PLA2R1: variants seen among roughly 807,000 people sequenced by gnomAD.
The protein encoded by PLA2R1 is phospholipase A2 receptor 1, also known as secretory phospholipase A2 receptor.
A neutral mutation model predicts 195.9 loss-of-function variants in PLA2R1; 158 were observed. The observed-to-expected ratio is 0.81, with a 90% confidence interval of 0.71 to 0.92. The LOEUF (loss-of-function observed/expected upper bound fraction) is 0.92, where lower values mean the gene tolerates loss of function less well. PLA2R1 is among the 40% of genes least tolerant of loss of function. The pLI, the probability that PLA2R1 is intolerant of heterozygous loss-of-function variation, is 0.00. For synonymous variants in PLA2R1, 586 were observed against 598.2 expected (o/e 0.98, Z 0.30); for missense variants, 1,626 against 1,764.6 (o/e 0.92, Z 1.41).
In PLA2R1 at chr2:159,955,785, C is replaced by T. The variant is rs771674705; in HGVS notation, c.3066G>A (p.Trp1022Ter). ...CATAATCATCATTTTGTAAACCTATCCACACACTGGTGGTCTGGCCAAAAA... is the reference window on the plus strand; with the variant it reads ...CATAATCATCATTTTGTAAACCTATTCACACACTGGTGGTCTGGCCAAAAA... ...MNLFGQTTSV[W>*]IGLQNDDYET... is the part of the protein sequence containing the mutation. The change falls in exon 22 of 30, where the codon TGG becomes TGA. Residue 1022 changes from tryptophan (W) to a stop codon, truncating the protein, a stop_gained. Transcript: ENST00000283243. LOFTEE classifies it high-confidence loss of function. 23 of 1,597,440 alleles carry T rather than the reference C, an allele frequency of 1.4e-5. No homozygotes were observed. The highest frequency in any genetic ancestry group is 1.9e-5 in the Non-Finnish European group (22 of 1,168,416).
intron 12 of PLA2R1, 69 bp downstream of exon 12, chr2:159,987,087 T>C (rs910671052): frequency 4.8e-6 from 6 of 1,240,922 alleles, no homozygotes; most frequent in Middle Eastern, 2.0e-4. Context: ...ATAAAGGAAT[T>C]TGGGATACAT....
chr2:159,949,574 G>C (rs781695266), intron 25 of PLA2R1, 34 bp downstream of exon 25: 2 of 1,510,908 alleles, frequency 1.3e-6, no homozygotes, highest in Non-Finnish European at 1.8e-6. Flanking sequence ...AGTTAAATAA[G>C]GTATATTTTT....
rs547015215 is a variant in PLA2R1, at chr2:160,053,355, G to T, written c.110-8198C>A. Among the ~76,000 whole-genome samples, 4 of 150,726 alleles carry T rather than the reference G, an allele frequency of 2.7e-5. No individual in the cohort carries two copies. In the South Asian group the frequency reaches 8.7e-4, roughly 33 times the overall value. Reference sequence around the variant, plus strand: ...ATTTTTATACGAATTTGGTGGGGGGGGGGGGAACAATTCAGATCATAACCA... The same window carrying T: ...ATTTTTATACGAATTTGGTGGGGGGTGGGGGAACAATTCAGATCATAACCA... On this transcript the variant is annotated intron_variant, in intron 1 of 29. Coordinates refer to ENST00000283243, the MANE Select transcript of PLA2R1 (RefSeq NM_007366.5).
At chr2:159,991,017 C>T (rs1384299095) in intron 11 of PLA2R1, among the ~76,000 whole-genome samples, 1 of 152,172 alleles carries the variant, frequency 6.6e-6, no homozygotes, top group Non-Finnish European at 1.5e-5. Flanking sequence ...TGCCAAAGGC[C>T]ACAAACGTAG....
chr2:160,005,758 A>G lies in PLA2R1; in HGVS notation c.1728T>C (p.Phe576=), dbSNP rs1168126474. 2.5e-6 allele frequency: 4 copies of G among 1,613,098 alleles called. No individual in the cohort carries two copies. Among genetic ancestry groups the G allele is most frequent in the Middle Eastern group, 3.3e-4 (2 of 6,060 alleles). Reference sequence around the variant, plus strand: ...CATTTTGGTCCTGAAGAGCTATCCAAAAATAACTGTCCTTCATTTTTACCA... The same window carrying G: ...CATTTTGGTCCTGAAGAGCTATCCAGAAATAACTGTCCTTCATTTTTACCA... The part of the protein sequence containing the change: ...SSVVKMKDSY[F]WIALQDQNDT... The change falls in exon 11 of 30, where the codon TTT becomes TTC. Residue 576 remains phenylalanine (F), a synonymous_variant. Coordinates refer to ENST00000283243, the MANE Select transcript of PLA2R1 (RefSeq NM_007366.5).
intron 9 of PLA2R1, among the ~76,000 whole-genome samples, chr2:160,013,739 GTGTGTGTGTGTGTCTC>G (rs1319865617): frequency 2.7e-5 from 4 of 148,360 alleles, no homozygotes; most frequent in Admixed American, 2.0e-4. Flanking sequence ...GTGTGTGTGT[GTGTGTGTGTGTGTCTC>G]TCTCTCTCTG....
rs186407762 is a variant in PLA2R1, at chr2:159,972,133, C to T, written c.2596-1921G>A. Among the ~76,000 whole-genome samples the T allele has an allele frequency of 4.1e-3, 618 of 152,284 alleles. 7 individuals are homozygous for T. The highest frequency in any genetic ancestry group is 0.024 in the Middle Eastern group (7 of 294). On this transcript the variant is annotated intron_variant, in intron 17 of 29. Transcript: ENST00000283243. ...AAGGACCTCTAAAGAGAAATTATAA[C>T]TGCTGCATCCTAAGTGGCATATTTA...
At chr2:160,003,874 C>A (rs553808337) in intron 11 of PLA2R1, among the ~76,000 whole-genome samples, 2 of 152,258 alleles carry the variant, frequency 1.3e-5, no homozygotes, top group South Asian at 4.1e-4. Context: ...GTCCTACATA[C>A]TATGAAATTC....
chr2:159,986,736 G>A (rs1690369161), intron 12 of PLA2R1, among the ~76,000 whole-genome samples: 2 of 151,986 alleles, frequency 1.3e-5, no homozygotes, highest in African/African-American at 4.8e-5. Flanking sequence ...ACAGGTGCAT[G>A]CCACCATGCC....
intron 1 of PLA2R1, among the ~76,000 whole-genome samples, chr2:160,056,141 T>C (rs925410): frequency 0.3 from 45,934 of 152,056 alleles, 8,736 homozygotes; most frequent in Non-Finnish European, 0.42. Flanking sequence ...GGCCCATTTA[T>C]GGTCTTGAAA....
chr2:159,951,185 G>T (rs1262033036), intron 24 of PLA2R1, among the ~76,000 whole-genome samples, 155 bp downstream of exon 24: 2 of 152,092 alleles, frequency 1.3e-5, no homozygotes, highest in African/African-American at 4.8e-5. Flanking sequence ...TCATAAGGTT[G>T]GTCAGGTAAT....
chr2:159,947,369 T>G (rs765497581), intron 26 of PLA2R1, 50 bp downstream of exon 26: 1 of 1,503,342 alleles, frequency 6.7e-7, no homozygotes, highest in Non-Finnish European at 9.0e-7. Flanking sequence ...TTTACTGAAA[T>G]GGCAAGAAGG....
At chr2:160,042,815 G>A (rs1161428093) in intron 2 of PLA2R1, among the ~76,000 whole-genome samples, 1 of 84,770 alleles carries the variant, frequency 1.2e-5, no homozygotes, top group African/African-American at 3.3e-5. Flanking sequence ...GTGTGTGTGT[G>A]TGTGTGTGTG....
At chr2:160,009,219 G>C (rs1692193024) in intron 10 of PLA2R1, among the ~76,000 whole-genome samples, 1 of 152,230 alleles carries the variant, frequency 6.6e-6, no homozygotes, top group African/African-American at 2.4e-5. Context: ...ACATGCCAAA[G>C]AATTGAAAGC....
chr2:159,924,734 G>GT, the PLA2R1 span, among the ~76,000 whole-genome samples: 8 of 150,668 alleles, frequency 5.3e-5, no homozygotes, highest in Non-Finnish European at 8.9e-5. Context: ...GGGGCTGGGG[G>GT]GGGGGCGGTG....
downstream of PLA2R1, among the ~76,000 whole-genome samples, chr2:159,931,644 C>A (rs1383015841): frequency 6.6e-6 from 1 of 152,172 alleles, no homozygotes; most frequent in African/African-American, 2.4e-5. Flanking sequence ...ATCTCAATCT[C>A]CCCCGGCTCA....
At chr2:160,010,078 C>T (rs1293187145) in intron 10 of PLA2R1, among the ~76,000 whole-genome samples, 3 of 152,108 alleles carry the variant, frequency 2.0e-5, no homozygotes, top group Non-Finnish European at 4.4e-5. Context: ...CCACTACACT[C>T]CAGCCTGGGC....
intron 3 of PLA2R1, among the ~76,000 whole-genome samples, chr2:160,034,400 AAAAG>A (rs1348675386): frequency 1.2e-4 from 18 of 152,230 alleles, no homozygotes; most frequent in African/African-American, 3.9e-4. Context: ...GAAGGGAAGG[AAAAG>A]AAAGAAAGGA....
Position 160,013,392 on chromosome 2 carries a change from G to A in PLA2R1, c.1552-17C>T. ...CTCCCATCCCTTAAAAAGAATAAAA[G>A]GGAAATTAAGGACACAATCTCATTT... On this transcript the variant is annotated splice_polypyrimidine_tract_variant and intron_variant, in intron 9 of 29. Coordinates refer to ENST00000283243, the MANE Select transcript of PLA2R1 (RefSeq NM_007366.5). 7.2e-7 allele frequency: 1 copy of A among 1,392,418 alleles called. No homozygotes were observed. Among genetic ancestry groups the A allele is most frequent in the Non-Finnish European group, 1.0e-6 (1 of 981,190 alleles). The allele number at this position is 1,392,418 out of a possible 1,614,324, so 86.3% of individuals were successfully genotyped here. A position where few individuals can be genotyped will look rare whatever the true frequency, so the allele number is the denominator to read the frequency against.
Sources: gnomAD v4.1 joint callset for allele counts (sites outside exome capture counted in the v4.1 genomes callset) on GRCh38, gnomAD v4.1.1 for gene constraint, MANE v1.5 for transcripts, NCBI Gene and HGNC (gene_info 2026-07-23, HGNC 2026-07-21) for gene names.